Variants in LMTK2 observed in about 807,000 individuals in gnomAD.
The protein encoded by LMTK2 is serine/threonine-protein kinase LMTK2.
A neutral mutation model predicts 127.5 loss-of-function variants in LMTK2; 37 were observed. The ratio of observed to expected loss-of-function variants is 0.29; its 90% CI spans 0.22 to 0.38. LMTK2 has a LOEUF of 0.38. LMTK2 is among the 10% of genes least tolerant of loss of function. The probability of loss-of-function intolerance (pLI) is 1.00; values close to 1 mark genes in which losing one functional copy is unlikely to be tolerated. For synonymous variants in LMTK2, 819 were observed against 810.1 expected (o/e 1.01, Z -0.19); for missense variants, 1,694 against 1,920.3 (o/e 0.88, Z 2.20).
At chr7:98,168,542 T>C (rs1232851065) in intron 6 of LMTK2, among the ~76,000 whole-genome samples, 1 of 152,268 alleles carries the variant, frequency 6.6e-6, no homozygotes, top group Non-Finnish European at 1.5e-5. Flanking sequence ...AGAATCATCC[T>C]ATTAAACATA....
chr7:98,140,128 T>G (rs1413605697), intron 2 of LMTK2, among the ~76,000 whole-genome samples: 13 of 5,602 alleles, frequency 2.3e-3, no homozygotes, highest in African/African-American at 8.0e-3. Flanking sequence ...CTTTCTTTCT[T>G]TCTTTCTTTC....
chr7:98,169,925 C>A (rs1388181993), intron 6 of LMTK2, among the ~76,000 whole-genome samples: 1 of 152,224 alleles, frequency 6.6e-6, no homozygotes, highest in Non-Finnish European at 1.5e-5. Context: ...AGGTGCACGG[C>A]ACCGAGGGAA....
chr7:98,151,162 A>C (rs533744648), intron 3 of LMTK2, among the ~76,000 whole-genome samples: 2 of 152,326 alleles, frequency 1.3e-5, no homozygotes, highest in African/African-American at 2.4e-5. Flanking sequence ...GAAAAAAAAC[A>C]ATGCGCAAGG....
chr7:98,153,452 TC>T (rs1322133434), intron 4 of LMTK2, among the ~76,000 whole-genome samples: 5 of 152,138 alleles, frequency 3.3e-5, no homozygotes, highest in Admixed American at 6.5e-5. Flanking sequence ...CAGCATAAGT[TC>T]CTTGGCGTCC....
chr7:98,140,353 T>C (rs576598355), intron 2 of LMTK2, among the ~76,000 whole-genome samples: 11 of 151,984 alleles, frequency 7.2e-5, no homozygotes, highest in Admixed American at 3.9e-4. Context: ...GGTCTTGCCA[T>C]GTTGCCCAGG....
intron 5 of LMTK2, among the ~76,000 whole-genome samples, chr7:98,157,117 C>T (rs1162328162): frequency 2.6e-5 from 4 of 151,952 alleles, no homozygotes; most frequent in African/African-American, 4.8e-5. Context: ...GGCATGGTGG[C>T]ATCACGCACC....
intron 7 of LMTK2, among the ~76,000 whole-genome samples, chr7:98,172,595 C>T (rs1425289071): frequency 2.0e-5 from 3 of 152,144 alleles, no homozygotes; most frequent in Non-Finnish European, 4.4e-5. Context: ...TTAAAAACAA[C>T]ACAATACGTT....
chr7:98,156,326 G>A (rs1584268230), intron 5 of LMTK2, among the ~76,000 whole-genome samples: 2 of 152,078 alleles, frequency 1.3e-5, no homozygotes, highest in South Asian at 2.1e-4. Context: ...TTAGTCGGGC[G>A]TGGTGTCGGG....
At chr7:98,173,206 A>T (rs1202754530) in intron 7 of LMTK2, among the ~76,000 whole-genome samples, 1 of 152,212 alleles carries the variant, frequency 6.6e-6, no homozygotes, top group Non-Finnish European at 1.5e-5. Context: ...CAGACTGTCA[A>T]CATTCCTTCA....
chr7:98,160,608 C>T (rs1269710610), intron 6 of LMTK2, among the ~76,000 whole-genome samples: 1 of 152,096 alleles, frequency 6.6e-6, no homozygotes, highest in Non-Finnish European at 1.5e-5. Context: ...AAGCATTCTT[C>T]ATGGCCTCTG....
rs1797783879 is a variant in LMTK2 at position 98,205,729 on chromosome 7, C to T, written c.*237C>T. 1 of 580,204 alleles carries T rather than the reference C, an allele frequency of 1.7e-6. No individual in the cohort carries two copies. The highest frequency in any genetic ancestry group is 3.1e-6 in the Non-Finnish European group (1 of 323,704). 35.9% of individuals were successfully genotyped at this position (580,204 alleles called of 1,614,324 possible). A position where few individuals can be genotyped will look rare whatever the true frequency, so the allele number is the denominator to read the frequency against. On this transcript the variant is annotated 3_prime_UTR_variant, in exon 14 of 14. Coordinates refer to ENST00000297293, the MANE Select transcript of LMTK2 (RefSeq NM_014916.4). ...CGTCCCTCAGTGCCCCGTGCACCCG[C>T]GGCCGCGGCCTCCCAGGCAGTGCTC... is the stretch of plus-strand genomic sequence containing the variant.
chr7:98,129,782 G>T (rs1429349809), intron 1 of LMTK2, among the ~76,000 whole-genome samples: 1 of 150,714 alleles, frequency 6.6e-6, no homozygotes, highest in African/African-American at 2.5e-5. Context: ...CCCCTTCATC[G>T]CTCTCTAACT....
At chr7:98,155,940 A>G (rs1796920015) in intron 5 of LMTK2, among the ~76,000 whole-genome samples, 1 of 152,204 alleles carries the variant, frequency 6.6e-6, no homozygotes, top group Non-Finnish European at 1.5e-5. Flanking sequence ...CGAGCCACAG[A>G]CTGGGAGAAA....
intron 9 of LMTK2, among the ~76,000 whole-genome samples, 155 bp from the exon 10 acceptor site, chr7:98,190,573 C>G (rs2116457569): frequency 1.3e-5 from 2 of 150,638 alleles, no homozygotes; most frequent in Middle Eastern, 7.2e-3. Flanking sequence ...CAGTGAGACT[C>G]TGTCTTAAAA....
intron 1 of LMTK2, among the ~76,000 whole-genome samples, chr7:98,123,081 C>A (rs1374997528): frequency 6.6e-6 from 1 of 151,990 alleles, no homozygotes; most frequent in Non-Finnish European, 1.5e-5. Context: ...AATAGTGAAT[C>A]CCTGTCCTGT....
chr7:98,175,857 C>G (rs375290586), intron 7 of LMTK2, among the ~76,000 whole-genome samples: 1 of 152,212 alleles, frequency 6.6e-6, no homozygotes, highest in South Asian at 2.1e-4. Flanking sequence ...TTAAAAGGCT[C>G]GAGGTCCAGA....
chr7:98,117,384 A>G (rs1288382579), intron 1 of LMTK2, among the ~76,000 whole-genome samples: 2 of 152,034 alleles, frequency 1.3e-5, no homozygotes, highest in African/African-American at 4.8e-5. Context: ...TCTTTATTCA[A>G]GCATTTACTT....
Position 98,192,421 on chromosome 7 carries a change from C to T in LMTK2, c.1956C>T (p.Phe652=), listed in dbSNP as rs752979503. 31 of 1,610,948 alleles carry T rather than the reference C, an allele frequency of 1.9e-5. No individual in the cohort carries two copies. Among genetic ancestry groups the T allele is most frequent in the East Asian group, 2.2e-5 (1 of 44,876 alleles). ...ATTTGCCCAGTCACCAAAAAATATTCGACTTAATGGAATTAAACGGAGTTC... is the reference window on the plus strand; with the variant it reads ...ATTTGCCCAGTCACCAAAAAATATTTGACTTAATGGAATTAAACGGAGTTC... ...SEDLPSHQKI[F]DLMELNGVQA... Residue 652 remains phenylalanine, a synonymous_variant, in exon 11 of 14, where the codon TTC becomes TTT. Transcript: ENST00000297293.
At chr7:98,203,829 C>A (rs1198355799) in intron 12 of LMTK2, 115 bp from the exon 13 acceptor site, 1 of 1,572,606 alleles carries the variant, frequency 6.4e-7, no homozygotes, top group Non-Finnish European at 8.7e-7. Context: ...GAACTGCCAT[C>A]TGCCAGCCGG....
Sources: allele counts gnomAD v4.1 joint callset (sites outside exome capture counted in the v4.1 genomes callset), GRCh38; gene constraint gnomAD v4.1.1; transcripts MANE v1.5; gene names NCBI Gene and HGNC (gene_info 2026-07-23, HGNC 2026-07-21).